PPP2R5D: variants seen among roughly 807,000 people sequenced by gnomAD.
PPP2R5D encodes the protein serine/threonine-protein phosphatase 2A 56 kDa regulatory subunit delta isoform.
A neutral mutation model predicts 79.1 loss-of-function variants in PPP2R5D; 12 were observed. That is an observed-to-expected ratio of 0.15 (90% CI 0.10 to 0.25). The LOEUF is 0.25. Ranked by LOEUF, PPP2R5D falls within the 10% of genes least tolerant of loss-of-function variation. PPP2R5D has a pLI of 1.00. For synonymous variants in PPP2R5D, 277 were observed against 286.6 expected (o/e 0.97, Z 0.34); for missense variants, 419 against 760.2 (o/e 0.55, Z 5.28).
At chr6:42,993,877 G>A (rs1309507572) in intron 2 of PPP2R5D, among the ~76,000 whole-genome samples, 1 of 152,144 alleles carries the variant, frequency 6.6e-6, no homozygotes, top group East Asian at 1.9e-4. Flanking sequence ...GAGGGGGTAG[G>A]GGACTGGATA....
Position 43,007,476 on chromosome 6 carries a change from G to C in PPP2R5D, c.696G>C (p.Lys232Asn). Residue 232 changes from lysine to asparagine, a missense_variant, in exon 6 of 16, where the codon AAG (lysine) becomes AAC (asparagine). Around this residue, in one of 5 missense-constraint regions of PPP2R5D, gnomAD observed 196 missense variants for 424.5 expected, o/e 0.46. Transcript: ENST00000485511. The surrounding 1 kb of genome is among the most constrained non-coding windows in gnomAD (Gnocchi z 4.5). ...CTGATTTCCAGCCAAACATAGCCAA[G>C]AAGTACATCGACCAGAAGTTTGTAC... Reference protein sequence around the residue: ...ESPDFQPNIAKKYIDQKFVLA... With the variant: ...ESPDFQPNIANKYIDQKFVLA... 1 of 1,613,340 alleles carries C rather than the reference G, an allele frequency of 6.2e-7. No individual in the cohort carries two copies. The highest frequency in any genetic ancestry group is 8.5e-7 in the Non-Finnish European group (1 of 1,179,300).
chr6:43,007,301 C>T lies in PPP2R5D; in HGVS notation c.628C>T (p.Leu210Phe). ...EPTLEAAWPH[L>F]QLVYEFFLRF... ...CACCCTGGAAGCTGCTTGGCCACAT[C>T]TCCAGGTACCAGGGCAAGGGGGCAG... The change falls in exon 5 of 16, where the codon CTC (leucine) becomes TTC (phenylalanine). Residue 210 changes from leucine (L) to phenylalanine (F), a missense_variant. Physicochemically the swap from Leu to Phe is conservative, Grantham distance 22 (BLOSUM62 0). Coordinates refer to ENST00000485511, the MANE Select transcript of PPP2R5D (RefSeq NM_006245.4). This position sits in a 1 kb window ranked among gnomAD's most constrained non-coding sequence, Gnocchi z 4.5. The T allele has an allele frequency of 6.2e-7, 1 of 1,614,100 alleles. No individual in the cohort carries two copies. The highest frequency in any genetic ancestry group is 8.5e-7 in the Non-Finnish European group (1 of 1,179,926).
At position 43,010,896 on chromosome 6, in the gene PPP2R5D, G is replaced by A. The variant is rs2150283624; in HGVS notation, c.1570G>A (p.Ala524Thr). Residue 524 changes from alanine (A) to threonine (T), a missense_variant, in exon 15 of 16, where the codon GCC becomes ACC. Ala to Thr is a moderately conservative substitution (Grantham distance 58, BLOSUM62 0). Coordinates refer to ENST00000485511, the MANE Select transcript of PPP2R5D (RefSeq NM_006245.4). This position sits in a 1 kb window ranked among gnomAD's most constrained non-coding sequence, Gnocchi z 4.7. ...CCTCACTCAGTATCCCATGTTCCGA[G>A]CCCCTCCACCACTGCCCCCTGTGTA... ...RLNPQYPMFR[A>T]PPPLPPVYSM... is the part of the protein sequence containing the mutation. The A allele has an allele frequency of 1.2e-6, 2 of 1,613,600 alleles. No homozygotes were observed. The highest frequency in any genetic ancestry group is 8.5e-7 in the Non-Finnish European group (1 of 1,179,736).
At chr6:42,987,837 AG>A (rs541326609) in intron 1 of PPP2R5D, among the ~76,000 whole-genome samples, 57 of 152,300 alleles carry the variant, frequency 3.7e-4, no homozygotes, top group Non-Finnish European at 5.4e-4. Flanking sequence ...GGTACAAAAA[AG>A]AATAAGCAGC....
chr6:42,998,567 G>C (rs555423074), intron 2 of PPP2R5D, among the ~76,000 whole-genome samples: 11 of 152,244 alleles, frequency 7.2e-5, no homozygotes, highest in African/African-American at 2.6e-4. Flanking sequence ...AGTGAAAGTA[G>C]TAGTACTTCA....
At chr6:43,001,216 A>G (rs558148318) in intron 2 of PPP2R5D, among the ~76,000 whole-genome samples, 1 of 152,260 alleles carries the variant, frequency 6.6e-6, no homozygotes, top group South Asian at 2.1e-4. Context: ...GTGCAATGAC[A>G]TGATCTCAGC....
intron 2 of PPP2R5D, among the ~76,000 whole-genome samples, chr6:43,003,188 C>T (rs886146448): frequency 2.0e-5 from 3 of 152,056 alleles, no homozygotes; most frequent in Non-Finnish European, 4.4e-5. Flanking sequence ...TTTGGGAGGC[C>T]GAGGCAGGTG....
chr6:43,006,135 T>C lies in PPP2R5D; in HGVS notation c.106-328T>C, dbSNP rs1223791376. On this transcript the variant is annotated intron_variant, in intron 2 of 15. Transcript: ENST00000485511. The surrounding 1 kb of genome is among the most constrained non-coding windows in gnomAD (Gnocchi z 4.7). ...TGTCTTCTTAGCAATACCCACCCCA[T>C]TTCCCCTGGCAACGTAATCACTTTT... is the stretch of plus-strand genomic sequence containing the variant. 4.6e-5 allele frequency among the ~76,000 whole-genome samples: 7 copies of C among 152,154 alleles called. No homozygotes were observed. The highest frequency in any genetic ancestry group is 7.4e-5 in the Non-Finnish European group (5 of 68,010).
intron 2 of PPP2R5D, among the ~76,000 whole-genome samples, chr6:43,005,471 T>C (rs1762024557): frequency 6.6e-6 from 1 of 152,110 alleles, no homozygotes; most frequent in Non-Finnish European, 1.5e-5. Context: ...ACCTGGCTAA[T>C]TAAAAAAAAT....
Position 43,008,806 on chromosome 6 carries a change from G to A in PPP2R5D, c.1080+60G>A, listed in dbSNP as rs1171754630. 7 of 1,552,890 alleles carry A rather than the reference G, an allele frequency of 4.5e-6. No individual in the cohort carries two copies. The African/African-American group carries it at 6.8e-5, about 15-fold the overall frequency. ...TACTGTCAGCATCACTTGCCAGTCT[G>A]TACCTACTGGGGGTGCCATAAGGGG... On this transcript the variant is annotated intron_variant, in intron 10 of 15. Transcript: ENST00000485511. This position sits in a 1 kb window ranked among gnomAD's most constrained non-coding sequence, Gnocchi z 4.2.
chr6:43,008,219 G>T lies in PPP2R5D; in HGVS notation c.876G>T (p.Glu292Asp). The change falls in exon 8 of 16, where the codon GAG (glutamate) becomes GAT (aspartate). Residue 292 changes from glutamate (E) to aspartate (D), a missense_variant. Glu to Asp is a conservative substitution (Grantham distance 45). Coordinates refer to ENST00000485511, the MANE Select transcript of PPP2R5D (RefSeq NM_006245.4). This position sits in a 1 kb window ranked among gnomAD's most constrained non-coding sequence, Gnocchi z 4.2. ...CCCTCAGGTTCATCTACGAGACGGA[G>T]CATCACAACGGGATTGCTGAGCTCC... The part of the protein sequence containing the change: ...HIFYRFIYET[E>D]HHNGIAELLE... The T allele has an allele frequency of 6.2e-7, 1 of 1,614,158 alleles. No individual in the cohort carries two copies. Among genetic ancestry groups the T allele is most frequent in the African/African-American group, 1.3e-5 (1 of 75,028 alleles).
At position 43,008,989 on chromosome 6, in the gene PPP2R5D, AG is replaced by A; in HGVS notation, c.1081-66del. On this transcript the variant is annotated intron_variant, in intron 10 of 15. Transcript: ENST00000485511. The surrounding 1 kb of genome is among the most constrained non-coding windows in gnomAD (Gnocchi z 4.2). ...CACCAGGGTGGGGGAGAGAGCAGGT[AG>A]GAAAACTTCCTGGTGACCTAGGCAG... 1.9e-6 allele frequency: 3 copies of A among 1,553,062 alleles called. No individual in the cohort carries two copies. The South Asian group carries it at 3.6e-5, about 18-fold the overall frequency.
chr6:42,989,387 AG>A (rs1771087810), intron 1 of PPP2R5D, among the ~76,000 whole-genome samples: 1 of 152,188 alleles, frequency 6.6e-6, no homozygotes. Context: ...ACGCTGAATT[AG>A]TGTGTGTTTG....
chr6:42,989,643 G>A lies in PPP2R5D; in HGVS notation c.60G>A (p.Lys20=), dbSNP rs772232789. The A allele has an allele frequency of 1.2e-6, 2 of 1,614,018 alleles. No homozygotes were observed. Among genetic ancestry groups the A allele is most frequent in the South Asian group, 2.2e-5 (2 of 91,060 alleles). ...CCAAGGTTGCCAAATGCACAGCCAA[G>A]CCTAGCAGCTCGGGCAAGGATGGTG... is the stretch of plus-strand genomic sequence containing the variant. ...EPPKVAKCTA[K]PSSSGKDGGG... The change falls in exon 2 of 16, where the codon AAG becomes AAA. Residue 20 remains lysine (K), a synonymous_variant. Transcript: ENST00000485511.
intron 2 of PPP2R5D, among the ~76,000 whole-genome samples, chr6:42,990,924 C>G (rs1465493938): frequency 6.6e-6 from 1 of 151,974 alleles, no homozygotes; most frequent in African/African-American, 2.4e-5. Flanking sequence ...GTTGGCCAGG[C>G]TGGACTTGAA....
chr6:43,004,312 C>T (rs888869331), intron 2 of PPP2R5D, among the ~76,000 whole-genome samples: 18 of 152,284 alleles, frequency 1.2e-4, no homozygotes, highest in African/African-American at 3.4e-4. Flanking sequence ...CGTGAGCCAC[C>T]GCACTTGGCC....
Position 42,995,126 on chromosome 6 carries a change from C to CTTTTTTTTTTTTTTTTTTTTTTTT in PPP2R5D, c.105+5459_105+5460insTTTTTTTTTTTTTTTTTTTTTTTT, listed in dbSNP as rs889250251. Among the ~76,000 whole-genome samples the CTTTTTTTTTTTTTTTTTTTTTTTT allele has an allele frequency of 5.3e-4, 56 of 106,338 alleles. 3 individuals are homozygous for CTTTTTTTTTTTTTTTTTTTTTTTT. Among genetic ancestry groups the CTTTTTTTTTTTTTTTTTTTTTTTT allele is most frequent in the East Asian group, 1.4e-3 (5 of 3,464 alleles). The allele number at this position is 106,338 out of a possible 152,430, so 69.8% of individuals were successfully genotyped here. On this transcript the variant is annotated intron_variant, in intron 2 of 15. Coordinates refer to ENST00000485511, the MANE Select transcript of PPP2R5D (RefSeq NM_006245.4). ...TTGTGTCCCACCGAACTTTTTCTTT[C>CTTTTTTTTTTTTTTTTTTTTTTTT]TTTTTTTTTTTTTTTTTTTTTGGAG...
At chr6:43,003,060 A>G (rs1761849748) in intron 2 of PPP2R5D, among the ~76,000 whole-genome samples, 2 of 152,288 alleles carry the variant, frequency 1.3e-5, no homozygotes, top group South Asian at 2.1e-4. Context: ...AAATACCTGT[A>G]TTTAGACTTC....
At chr6:42,999,218 G>A (rs1772004606) in intron 2 of PPP2R5D, among the ~76,000 whole-genome samples, 1 of 152,112 alleles carries the variant, frequency 6.6e-6, no homozygotes, top group African/African-American at 2.4e-5. Context: ...TAGTGGCTGG[G>A]GCTTTTAAGA....
Sources: gnomAD v4.1 joint callset for allele counts (sites outside exome capture counted in the v4.1 genomes callset) on GRCh38, gnomAD v4.1.1 for gene constraint, gnomAD v4.1.1 regional missense constraint, Gnocchi (gnomAD v3.1) non-coding constraint, MANE v1.5 for transcripts, NCBI Gene and HGNC (gene_info 2026-07-23, HGNC 2026-07-21) for gene names.